The following PPP1R8 variants were observed in gnomAD, a reference collection of about 807,000 sequenced individuals.
The protein encoded by PPP1R8 is nuclear inhibitor of protein phosphatase 1.
A neutral mutation model predicts 31.3 loss-of-function variants in PPP1R8; 4 were observed. That is an observed-to-expected ratio of 0.13 (90% CI 0.06 to 0.29). The LOEUF (loss-of-function observed/expected upper bound fraction) is 0.29. Ranked by LOEUF, PPP1R8 falls within the 10% of genes least tolerant of loss-of-function variation. The pLI is 1.00. For synonymous variants in PPP1R8, 170 were observed against 169.7 expected (o/e 1.00, Z -0.01); for missense variants, 254 against 440.1 (o/e 0.58, Z 3.78).
chr1:27,844,884 ATTTTTTTTTTT>A (rs765514573), intron 5 of PPP1R8, among the ~76,000 whole-genome samples: 2 of 72,396 alleles, frequency 2.8e-5, no homozygotes, highest in African/African-American at 1.0e-4. Flanking sequence ...TGCCCGACTA[ATTTTTTTTTTT>A]TTTTTTTTTT....
intron 3 of PPP1R8, among the ~76,000 whole-genome samples, chr1:27,840,260 A>G (rs899733138): frequency 6.6e-6 from 1 of 152,152 alleles, no homozygotes; most frequent in African/African-American, 2.4e-5. Context: ...CTTCCTGGGC[A>G]TATCATGTTG....
chr1:27,836,683 G>A (rs1027543894), intron 2 of PPP1R8, among the ~76,000 whole-genome samples: 4 of 152,108 alleles, frequency 2.6e-5, no homozygotes, highest in African/African-American at 7.2e-5. Flanking sequence ...CTCCCAAAGT[G>A]CTGGGATTAC....
chr1:27,837,808 G>A (rs2148615970), intron 2 of PPP1R8, among the ~76,000 whole-genome samples: 1 of 151,780 alleles, frequency 6.6e-6, no homozygotes, highest in African/African-American at 2.4e-5. Context: ...CAGCCATGGT[G>A]GCTCACACCT....
At chr1:27,838,261 T>TC (rs2089190846) in intron 2 of PPP1R8, among the ~76,000 whole-genome samples, 1 of 150,866 alleles carries the variant, frequency 6.6e-6, no homozygotes, top group South Asian at 2.1e-4. Context: ...ACGCCTGTAG[T>TC]CCCAGCTCCT....
intron 2 of PPP1R8, among the ~76,000 whole-genome samples, chr1:27,833,130 C>A (rs1485200435): frequency 6.6e-6 from 1 of 152,100 alleles, no homozygotes; most frequent in Non-Finnish European, 1.5e-5. Flanking sequence ...GTTGTGTAAA[C>A]CGTGCAAGGT....
Position 27,842,248 on chromosome 1 carries a change from A to G in PPP1R8, c.493-938A>G, listed in dbSNP as rs541142570. 9.7e-4 allele frequency among the ~76,000 whole-genome samples: 147 copies of G among 151,772 alleles called. 1 individual carries two copies. The highest frequency in any genetic ancestry group is 3.4e-3 in the Middle Eastern group (1 of 294). On this transcript the variant is annotated intron_variant, in intron 4 of 6. Transcript: ENST00000311772. ...TCCCAGCTACTCAGGAGGCTGAGGC[A>G]GGAGAGTCACTTGCACCTGGGAGGT...
chr1:27,844,278 C>T (rs1030264769), intron 5 of PPP1R8, among the ~76,000 whole-genome samples: 10 of 152,082 alleles, frequency 6.6e-5, no homozygotes, highest in Non-Finnish European at 1.0e-4. Context: ...ACTGGGATTA[C>T]AGGCATGAGT....
At chr1:27,840,298 G>A (rs1009364190) in intron 3 of PPP1R8, among the ~76,000 whole-genome samples, 4 of 152,108 alleles carry the variant, frequency 2.6e-5, no homozygotes, top group African/African-American at 4.8e-5. Context: ...ACTACCATAC[G>A]CAGAAACATA....
intron 2 of PPP1R8, chr1:27,834,493 TAAAAC>T (rs769511218): frequency 1.9e-6 from 1 of 519,020 alleles, no homozygotes; most frequent in East Asian, 5.4e-5. Context: ...AGTGCAATAT[TAAAAC>T]AAAAGCCATG....
In PPP1R8 at chr1:27,838,997, A is replaced by G. The variant is rs570768299; in HGVS notation, c.271+145A>G. ...CCTTCTCTATTTCTGTGATTTTTCTATTTTCCTGAGATAATTGCTAACTGA... is the reference window on the plus strand; with the variant it reads ...CCTTCTCTATTTCTGTGATTTTTCTGTTTTCCTGAGATAATTGCTAACTGA... On this transcript the variant is annotated intron_variant, in intron 3 of 6. Transcript: ENST00000311772. 84 of 912,744 alleles carry G rather than the reference A, an allele frequency of 9.2e-5. 1 individual carries two copies. Among genetic ancestry groups the G allele is most frequent in the East Asian group, 8.1e-4 (29 of 35,892 alleles). The allele number at this position is 912,744 out of a possible 1,614,324, so 56.5% of individuals were successfully genotyped here.
At chr1:27,832,511 T>C (rs2089120382) in intron 1 of PPP1R8, among the ~76,000 whole-genome samples, 1 of 152,216 alleles carries the variant, frequency 6.6e-6, no homozygotes, top group African/African-American at 2.4e-5. Flanking sequence ...TGTTAAAATA[T>C]AGGTTTCTTG....
intron 3 of PPP1R8, among the ~76,000 whole-genome samples, chr1:27,840,441 A>C (rs1346302284): frequency 6.6e-6 from 1 of 152,210 alleles, no homozygotes; most frequent in Non-Finnish European, 1.5e-5. Context: ...CTATAGTAGG[A>C]TTTTGGCTTG....
chr1:27,830,827 A>G lies in PPP1R8; in HGVS notation c.-9A>G. 1.3e-6 allele frequency: 2 copies of G among 1,574,458 alleles called. No homozygotes were observed. The highest frequency in any genetic ancestry group is 2.3e-5 in the East Asian group (1 of 42,564). ...TTAGGGCGCGCCAAATGGGAGGGGG[A>G]GACGCAAGATGGCGGCAGCCGCGAA... On this transcript the variant is annotated 5_prime_UTR_variant, in exon 1 of 7. Transcript: ENST00000311772.
intron 1 of PPP1R8, among the ~76,000 whole-genome samples, chr1:27,831,933 G>A (rs1450303511): frequency 6.6e-6 from 1 of 152,178 alleles, no homozygotes; most frequent in Non-Finnish European, 1.5e-5. Context: ...GCAAGCAAAT[G>A]TGTGGCTATT....
intron 5 of PPP1R8, among the ~76,000 whole-genome samples, chr1:27,846,432 C>T (rs1251845936): frequency 3.3e-5 from 5 of 152,142 alleles, no homozygotes; most frequent in African/African-American, 4.8e-5. Context: ...CCCGTGTAGA[C>T]GGGGGCATCA....
At chr1:27,847,673 G>A (rs1431561537) in intron 6 of PPP1R8, among the ~76,000 whole-genome samples, 2 of 152,140 alleles carry the variant, frequency 1.3e-5, no homozygotes, top group Non-Finnish European at 2.9e-5. Flanking sequence ...GGAAGTTGCA[G>A]TGAGCTGAGA....
At chr1:27,836,357 T>C (rs1177945229) in intron 2 of PPP1R8, among the ~76,000 whole-genome samples, 1 of 152,234 alleles carries the variant, frequency 6.6e-6, no homozygotes. Context: ...AAGGCTTTAC[T>C]GATCCAGGAT....
In PPP1R8 at chr1:27,838,709, T is replaced by C. The variant is rs1460751122; in HGVS notation, c.128T>C (p.Ile43Thr). 6.4e-7 allele frequency: 1 copy of C among 1,551,050 alleles called. No individual in the cohort carries two copies. Among genetic ancestry groups the C allele is most frequent in the South Asian group, 1.2e-5 (1 of 81,034 alleles). The change falls in exon 3 of 7, where the codon ATT (isoleucine) becomes ACT (threonine). Residue 43 changes from isoleucine (I) to threonine (T), a missense_variant. Physicochemically the swap from Ile to Thr is moderately conservative, Grantham distance 89. Around this residue, in one of 6 missense-constraint regions of PPP1R8, gnomAD observed 52 missense variants for 145.3 expected, o/e 0.36. Transcript: ENST00000311772. ...KGDKLIEKLIIDEKKYYLFGR... is the reference protein window; with the variant it reads ...KGDKLIEKLITDEKKYYLFGR... ...TTAATATTTATTTAGAAACTGATTATTGATGAGAAGAAGTATTACTTATTT... is the reference window on the plus strand; with the variant it reads ...TTAATATTTATTTAGAAACTGATTACTGATGAGAAGAAGTATTACTTATTT...
At position 27,851,523 on chromosome 1, in the gene PPP1R8, T is replaced by C. The variant is rs923023118; in HGVS notation, c.*1077T>C. 8.3e-6 allele frequency: 4 copies of C among 483,970 alleles called. No homozygotes were observed. Among genetic ancestry groups the C allele is most frequent in the African/African-American group, 7.8e-5 (4 of 51,368 alleles). The allele number at this position is 483,970 out of a possible 1,614,324, so 30.0% of individuals were successfully genotyped here. A position where few individuals can be genotyped will look rare whatever the true frequency, so the allele number is the denominator to read the frequency against. On this transcript the variant is annotated 3_prime_UTR_variant, in exon 7 of 7. Transcript: ENST00000311772. Reference sequence around the variant, plus strand: ...TTACATTGTAAATTAAACGTAACTTTTGTCATTTGGGTGCAGGCTGTGAAT... The same window carrying C: ...TTACATTGTAAATTAAACGTAACTTCTGTCATTTGGGTGCAGGCTGTGAAT...
Sources: allele counts gnomAD v4.1 joint callset (sites outside exome capture counted in the v4.1 genomes callset), GRCh38; gene constraint gnomAD v4.1.1; regional missense constraint gnomAD v4.1.1; transcripts MANE v1.5; gene names NCBI Gene and HGNC (gene_info 2026-07-23, HGNC 2026-07-21).